Variants in DACH1 observed in about 807,000 individuals in gnomAD.
DACH1 encodes the protein dachshund homolog 1.
DACH1 carries 12 observed loss-of-function variants against 54.2 expected under a neutral mutation model. That is an observed-to-expected ratio of 0.22 (90% confidence interval 0.14 to 0.36). The LOEUF is 0.36. Among genes scored for constraint, DACH1 ranks in the 10% least tolerant of loss-of-function variants. The pLI is 1.00. For missense variants in DACH1, 805 were observed against 929.8 expected (o/e 0.87, Z 1.75); for synonymous variants, 386 against 366.2 (o/e 1.05, Z -0.62).
chr13:71,598,347 C>A (rs1232292316), intron 3 of DACH1, among the ~76,000 whole-genome samples: 1 of 152,094 alleles, frequency 6.6e-6, no homozygotes, highest in African/African-American at 2.4e-5. Context: ...CTCTGCCTCA[C>A]AGGTTCACAC....
intron 3 of DACH1, among the ~76,000 whole-genome samples, chr13:71,599,357 GT>G (rs1874331749): frequency 6.6e-6 from 1 of 152,090 alleles, no homozygotes; most frequent in Non-Finnish European, 1.5e-5. Flanking sequence ...TATTAAAGAG[GT>G]TTATGAATTA....
At chr13:71,809,619 G>A (rs756390111) in intron 1 of DACH1, among the ~76,000 whole-genome samples, 39 of 152,168 alleles carry the variant, frequency 2.6e-4, no homozygotes, top group Non-Finnish European at 5.0e-4. Context: ...TAAGCATATA[G>A]TAACATCAAT....
At chr13:71,723,943 G>A (rs574323349) in intron 1 of DACH1, among the ~76,000 whole-genome samples, 29 of 152,126 alleles carry the variant, frequency 1.9e-4, no homozygotes, top group African/African-American at 6.5e-4. Flanking sequence ...TGCCCACCTC[G>A]GCCTCCCAAA....
chr13:71,848,799 A>G (rs1873468623), intron 1 of DACH1, among the ~76,000 whole-genome samples: 1 of 152,178 alleles, frequency 6.6e-6, no homozygotes, highest in Admixed American at 6.5e-5. Context: ...TGCTGGGATT[A>G]CAGGTGTGAG....
At chr13:71,561,408 G>A (rs1209163795) in intron 4 of DACH1, among the ~76,000 whole-genome samples, 9 of 152,124 alleles carry the variant, frequency 5.9e-5, no homozygotes, top group Admixed American at 2.6e-4. Flanking sequence ...CACGTGAGTC[G>A]TGTCCTTACA....
chr13:71,652,585 T>C (rs1362205821), intron 2 of DACH1, among the ~76,000 whole-genome samples: 1 of 152,130 alleles, frequency 6.6e-6, no homozygotes, highest in Non-Finnish European at 1.5e-5. Context: ...CTGCTATGCA[T>C]AGTTTAAACA....
intron 10 of DACH1, among the ~76,000 whole-genome samples, chr13:71,457,910 C>A (rs964386856): frequency 4.0e-5 from 6 of 151,856 alleles, no homozygotes; most frequent in Non-Finnish European, 8.8e-5. Flanking sequence ...TGTCACATCA[C>A]ACCCCATATT....
intron 2 of DACH1, among the ~76,000 whole-genome samples, chr13:71,677,297 G>A (rs1243317893): frequency 6.6e-6 from 1 of 152,214 alleles, no homozygotes; most frequent in Non-Finnish European, 1.5e-5. Context: ...AGTGACCACA[G>A]CAGGAGGTAT....
intron 6 of DACH1, among the ~76,000 whole-genome samples, chr13:71,501,962 A>G (rs1035239428): frequency 1.3e-5 from 2 of 152,156 alleles, no homozygotes; most frequent in Non-Finnish European, 2.9e-5. Context: ...CTCAACTAGG[A>G]AAGACAGCAG....
intron 6 of DACH1, among the ~76,000 whole-genome samples, chr13:71,493,117 T>C (rs977317735): frequency 6.6e-6 from 1 of 151,956 alleles, no homozygotes; most frequent in Admixed American, 6.6e-5. Flanking sequence ...TCACACCCTG[T>C]CTGGTCCTTT....
At chr13:71,695,830 C>T (rs1312439001) in intron 1 of DACH1, among the ~76,000 whole-genome samples, 1 of 152,188 alleles carries the variant, frequency 6.6e-6, no homozygotes. Flanking sequence ...CCTTGGCTAA[C>T]TCAACCAACA....
chr13:71,640,738 G>A (rs990672574), intron 2 of DACH1, among the ~76,000 whole-genome samples: 1 of 152,114 alleles, frequency 6.6e-6, no homozygotes, highest in Non-Finnish European at 1.5e-5. Context: ...TAGCATGAGA[G>A]TGATTGAAAG....
At chr13:71,446,293 T>A (rs556695487) in intron 10 of DACH1, among the ~76,000 whole-genome samples, 56 of 152,348 alleles carry the variant, frequency 3.7e-4, no homozygotes, top group Admixed American at 9.8e-4. Flanking sequence ...AAAAAATATA[T>A]TTCCTGTTTG....
intron 3 of DACH1, among the ~76,000 whole-genome samples, chr13:71,593,116 T>C (rs1873851926): frequency 6.6e-6 from 1 of 152,130 alleles, no homozygotes; most frequent in Non-Finnish European, 1.5e-5. Context: ...AGCCAGGAAT[T>C]GAGCTGGGAC....
chr13:71,866,566 G>GGCCGCCGCC lies in DACH1; in HGVS notation c.195_203dup (p.Ala66_Ala68dup). On this transcript the variant is annotated inframe_insertion, in exon 1 of 11. Transcript: ENST00000613252. ...CGCCGCCGCCGGTAGAGGTGACTGT[G>GGCCGCCGCC]GCCGCCGCCGCCGCCGCCGAAGCGA... 8.0e-7 allele frequency: 1 copy of GGCCGCCGCC among 1,256,294 alleles called. No individual in the cohort carries two copies. 77.8% of individuals were successfully genotyped at this position (1,256,294 alleles called of 1,614,324 possible).
chr13:71,540,432 C>T (rs1049705705), intron 6 of DACH1, among the ~76,000 whole-genome samples: 2 of 152,078 alleles, frequency 1.3e-5, no homozygotes, highest in Non-Finnish European at 2.9e-5. Context: ...TCACATTTAA[C>T]GGGTTTAGAA....
chr13:71,791,430 G>A (rs1886828308), intron 1 of DACH1, among the ~76,000 whole-genome samples: 1 of 152,092 alleles, frequency 6.6e-6, no homozygotes, highest in South Asian at 2.1e-4. Flanking sequence ...TGGCAGGCGG[G>A]AGTGCAGTGG....
chr13:71,738,709 G>A (rs1371981590), intron 1 of DACH1, among the ~76,000 whole-genome samples: 1 of 106,766 alleles, frequency 9.4e-6, no homozygotes, highest in African/African-American at 3.4e-5. Flanking sequence ...TCCAGTCTGG[G>A]CAACAGAGCG....
chr13:71,701,092 G>A (rs1289341332), intron 1 of DACH1, among the ~76,000 whole-genome samples: 3 of 152,204 alleles, frequency 2.0e-5, no homozygotes, highest in African/African-American at 7.2e-5. Flanking sequence ...TTTATAATTT[G>A]CATGCATACA....
Sources: gnomAD v4.1 joint callset for allele counts (sites outside exome capture counted in the v4.1 genomes callset) on GRCh38, gnomAD v4.1.1 for gene constraint, MANE v1.5 for transcripts, NCBI Gene and HGNC (gene_info 2026-07-23, HGNC 2026-07-21) for gene names.